Variants in ZMYM2 observed in about 807,000 individuals in gnomAD.
ZMYM2 encodes the protein zinc finger MYM-type protein 2.
In ZMYM2, 56 loss-of-function variants were observed where a neutral mutation model predicts 162.8. That is an observed-to-expected ratio of 0.34 (90% CI 0.28 to 0.43). The LOEUF (loss-of-function observed/expected upper bound fraction) is 0.43, where lower values mean the gene tolerates loss of function less well. Among genes scored for constraint, ZMYM2 ranks in the 20% least tolerant of loss-of-function variants. ZMYM2 has a pLI of 1.00. For missense variants in ZMYM2, 1,275 were observed against 1,621.8 expected, an observed-to-expected ratio of 0.79 and a Z score of 3.67; for synonymous variants, 510 against 541.6, an observed-to-expected ratio of 0.94 and a Z score of 0.81.
chr13:19,953,701 A>AG (rs1298596415), upstream of ZMYM2, among the ~76,000 whole-genome samples: 2 of 151,438 alleles, frequency 1.3e-5, no homozygotes, highest in African/African-American at 4.9e-5. Flanking sequence ...AAAAAAAAAA[A>AG]AAAAAATTCC....
At chr13:19,927,778 T>G in the ZMYM2 span, among the ~76,000 whole-genome samples, 9 of 152,210 alleles carry the variant, frequency 5.9e-5, no homozygotes, top group Admixed American at 1.3e-4. Flanking sequence ...AGATAGTCTC[T>G]CTGCTCCAAA....
the ZMYM2 span, among the ~76,000 whole-genome samples, chr13:19,951,842 T>TA: frequency 6.6e-6 from 1 of 151,942 alleles, no homozygotes; most frequent in East Asian, 1.9e-4. Context: ...TCTCAAAAAA[T>TA]AAAAAAATTG....
the ZMYM2 span, among the ~76,000 whole-genome samples, chr13:19,910,096 G>A: frequency 1.3e-5 from 2 of 151,952 alleles, no homozygotes; most frequent in African/African-American, 4.8e-5. Context: ...GCGTGGTGGC[G>A]GGTGCCTGTA....
chr13:20,026,409 A>C, intron 7 of ZMYM2: 1 of 440,950 alleles, frequency 2.3e-6, no homozygotes. Flanking sequence ...AAGGCGACTT[A>C]GCTGATGATC....
At chr13:20,031,550 G>C in intron 10 of ZMYM2, 115 bp downstream of exon 10, 1 of 686,800 alleles carries the variant, frequency 1.5e-6, no homozygotes, top group Non-Finnish European at 2.3e-6. Context: ...ATGCTTTTCA[G>C]ATTTTTTTTT....
intron 7 of ZMYM2, chr13:20,025,082 G>T (rs1952458314): frequency 9.5e-6 from 2 of 210,942 alleles, no homozygotes; most frequent in Admixed American, 5.9e-5. Flanking sequence ...TTCATTTTCT[G>T]AAACCCTGTG....
chr13:20,027,088 T>C, intron 8 of ZMYM2, 115 bp from the exon 9 acceptor site: 3 of 722,734 alleles, frequency 4.2e-6, no homozygotes, highest in Non-Finnish European at 6.4e-6. Context: ...GTATTGAAGG[T>C]GCAAATAATA....
the ZMYM2 span, among the ~76,000 whole-genome samples, chr13:19,940,786 C>G: frequency 2.0e-5 from 3 of 152,074 alleles, no homozygotes; most frequent in Non-Finnish European, 4.4e-5. Flanking sequence ...TAACCTATTC[C>G]TACTGTAAAC....
At chr13:19,981,139 G>T (rs530840201) in intron 2 of ZMYM2, among the ~76,000 whole-genome samples, 137 of 152,178 alleles carry the variant, frequency 9.0e-4, no homozygotes, top group South Asian at 1.9e-3. Flanking sequence ...AGGCATGGCG[G>T]CACATTCCTG....
At chr13:19,987,389 G>C (rs1235626257) in intron 2 of ZMYM2, among the ~76,000 whole-genome samples, 1 of 151,052 alleles carries the variant, frequency 6.6e-6, no homozygotes, top group African/African-American at 2.4e-5. Context: ...TCAGCCTCCC[G>C]AGTAGCTGGG....
chr13:19,994,874 C>T (rs141513965), intron 3 of ZMYM2, among the ~76,000 whole-genome samples: 60 of 151,900 alleles, frequency 3.9e-4, no homozygotes, highest in African/African-American at 1.3e-3. Context: ...TCTCTGTCGC[C>T]CAGAGTGGAG....
At chr13:19,982,793 T>C (rs896948602) in intron 2 of ZMYM2, among the ~76,000 whole-genome samples, 2 of 152,242 alleles carry the variant, frequency 1.3e-5, no homozygotes, top group African/African-American at 4.8e-5. Context: ...CTTTGCTTCC[T>C]GTGGATTCAG....
intron 2 of ZMYM2, among the ~76,000 whole-genome samples, chr13:19,960,587 A>G (rs1205574007): frequency 2.0e-5 from 3 of 152,180 alleles, no homozygotes; most frequent in Admixed American, 1.3e-4. Flanking sequence ...TTGTTCACCA[A>G]GTAGTATGCT....
intron 2 of ZMYM2, among the ~76,000 whole-genome samples, chr13:19,988,954 T>C (rs1949393137): frequency 6.6e-6 from 1 of 152,160 alleles, no homozygotes; most frequent in African/African-American, 2.4e-5. Context: ...TTTCCTTCCT[T>C]TATTCAGTCA....
the ZMYM2 span, among the ~76,000 whole-genome samples, chr13:19,949,103 CA>C: frequency 3.4e-5 from 5 of 148,842 alleles, no homozygotes; most frequent in South Asian, 2.1e-4. Flanking sequence ...CTTATCTTCA[CA>C]AAAAAAAAAA....
chr13:20,052,032 T>C (rs1214530908), intron 13 of ZMYM2, among the ~76,000 whole-genome samples: 2 of 152,108 alleles, frequency 1.3e-5, no homozygotes, highest in African/African-American at 2.4e-5. Flanking sequence ...TCTAAGAATA[T>C]ATAATAGTAT....
the ZMYM2 span, among the ~76,000 whole-genome samples, chr13:19,922,236 G>A: frequency 6.6e-6 from 1 of 152,074 alleles, no homozygotes; most frequent in Admixed American, 6.6e-5. Flanking sequence ...TTTAAAGGGG[G>A]AAAAAGGGGC....
intron 10 of ZMYM2, among the ~76,000 whole-genome samples, chr13:20,031,739 T>G (rs563802850): frequency 6.6e-6 from 1 of 152,260 alleles, no homozygotes; most frequent in East Asian, 1.9e-4. Flanking sequence ...CCTTTTTTTG[T>G]CCCATGTTTC....
chr13:19,954,758 T>C (rs1386818253), upstream of ZMYM2, among the ~76,000 whole-genome samples: 27 of 152,126 alleles, frequency 1.8e-4, no homozygotes, highest in Non-Finnish European at 4.4e-5. Context: ...TTTCAGTCTT[T>C]GTTCCTTCTT....
Sources: gnomAD v4.1 joint callset for allele counts (sites outside exome capture counted in the v4.1 genomes callset) on GRCh38, gnomAD v4.1.1 for gene constraint, MANE v1.5 for transcripts, NCBI Gene and HGNC (gene_info 2026-07-23, HGNC 2026-07-21) for gene names.